Variants in GREM2 observed in about 807,000 individuals in gnomAD.
GREM2 encodes the protein gremlin-2.
A neutral mutation model predicts 14.2 loss-of-function variants in GREM2; 11 were observed. The ratio of observed to expected loss-of-function variants is 0.78; its 90% CI spans 0.49 to 1.28. The LOEUF is 1.28. GREM2 is among the 50% of genes most tolerant of loss of function. The pLI is 0.00. For synonymous variants in GREM2, 98 were observed against 97.6 expected (o/e 1.00, Z -0.02); for missense variants, 210 against 218.5 (o/e 0.96, Z 0.24).
At chr1:240,597,840 T>C (rs1316240823) in intron 1 of GREM2, among the ~76,000 whole-genome samples, 4 of 152,176 alleles carry the variant, frequency 2.6e-5, no homozygotes, top group Admixed American at 2.6e-4. Context: ...CATCTTTTCA[T>C]GCACCCCCGA....
chr1:240,587,465 G>A (rs1230923122), intron 1 of GREM2, among the ~76,000 whole-genome samples: 1 of 151,894 alleles, frequency 6.6e-6, no homozygotes, highest in East Asian at 1.9e-4. Flanking sequence ...GAGGCTACAA[G>A]CATAAGCCAC....
At chr1:240,539,080 A>G (rs1411755750) in intron 1 of GREM2, among the ~76,000 whole-genome samples, 4 of 152,212 alleles carry the variant, frequency 2.6e-5, no homozygotes, top group Non-Finnish European at 5.9e-5. Flanking sequence ...AATTAGAGAC[A>G]TTAGGAAGGG....
chr1:240,609,493 C>A (rs1444594411), intron 1 of GREM2, among the ~76,000 whole-genome samples: 1 of 151,936 alleles, frequency 6.6e-6, no homozygotes, highest in African/African-American at 2.4e-5. Context: ...AAGAAGATGG[C>A]ACCATAGGTC....
chr1:240,553,705 C>A (rs1678900228), intron 1 of GREM2, among the ~76,000 whole-genome samples: 1 of 152,140 alleles, frequency 6.6e-6, no homozygotes, highest in Non-Finnish European at 1.5e-5. Context: ...AAATCCTGTG[C>A]ATGCATGTAT....
chr1:240,553,751 A>G (rs537856829), intron 1 of GREM2, among the ~76,000 whole-genome samples: 4 of 152,374 alleles, frequency 2.6e-5, no homozygotes, highest in Non-Finnish European at 4.4e-5. Context: ...TCCTCAATGG[A>G]TAACATCTGA....
intron 1 of GREM2, among the ~76,000 whole-genome samples, chr1:240,503,418 A>T (rs891378892): frequency 6.6e-6 from 1 of 152,070 alleles, no homozygotes; most frequent in African/African-American, 2.4e-5. Context: ...ACACTCTCAG[A>T]TCCATCTTCT....
chr1:240,607,798 G>A (rs969334063), intron 1 of GREM2, among the ~76,000 whole-genome samples: 1 of 152,176 alleles, frequency 6.6e-6, no homozygotes, highest in African/African-American at 2.4e-5. Context: ...AATCATATAT[G>A]TAAATTCAAT....
intron 1 of GREM2, among the ~76,000 whole-genome samples, chr1:240,594,422 T>C (rs1297598448): frequency 1.3e-5 from 2 of 152,190 alleles, no homozygotes; most frequent in Non-Finnish European, 2.9e-5. Flanking sequence ...CTTTATTTGC[T>C]CTTTTCCCGG....
intron 1 of GREM2, among the ~76,000 whole-genome samples, chr1:240,569,765 G>T (rs1274339329): frequency 6.6e-6 from 1 of 152,118 alleles, no homozygotes; most frequent in Non-Finnish European, 1.5e-5. Context: ...GAAAGGAAAG[G>T]TTTGCGACCC....
intron 1 of GREM2, among the ~76,000 whole-genome samples, chr1:240,554,827 C>T (rs1678922966): frequency 6.6e-6 from 1 of 152,082 alleles, no homozygotes; most frequent in Admixed American, 6.6e-5. Context: ...ATTAGTTATG[C>T]TAATGTTAAG....
intron 1 of GREM2, among the ~76,000 whole-genome samples, chr1:240,536,413 T>G: frequency 6.6e-6 from 1 of 152,152 alleles, no homozygotes; most frequent in East Asian, 1.9e-4. Flanking sequence ...TCTCTAACCC[T>G]AAAGAAAATG....
rs1242592458 is a variant in GREM2 at position 240,491,239 on chromosome 1, C to G, written c.*1730G>C. Reference sequence around the variant, plus strand: ...ATGTCTCTAGATCCACCATCACTACCTAGTATCAGGAAGCTAAGTCCCCAC... The same window carrying G: ...ATGTCTCTAGATCCACCATCACTACGTAGTATCAGGAAGCTAAGTCCCCAC... On this transcript the variant is annotated 3_prime_UTR_variant, in exon 2 of 2. Coordinates refer to ENST00000318160, the MANE Select transcript of GREM2 (RefSeq NM_022469.4). 6.6e-6 allele frequency: 1 copy of G among 152,446 alleles called. No homozygotes were observed. Among genetic ancestry groups the G allele is most frequent in the Non-Finnish European group, 1.5e-5 (1 of 68,044 alleles). 9.4% of individuals were successfully genotyped at this position (152,446 alleles called of 1,614,324 possible).
intron 1 of GREM2, among the ~76,000 whole-genome samples, chr1:240,514,235 G>T (rs898233795): frequency 8.4e-6 from 1 of 118,728 alleles, no homozygotes; most frequent in Non-Finnish European, 1.6e-5. Flanking sequence ...CAACAATAGC[G>T]AGATTCCATC....
intron 1 of GREM2, among the ~76,000 whole-genome samples, chr1:240,552,621 G>A (rs988893731): frequency 3.9e-5 from 6 of 152,092 alleles, no homozygotes; most frequent in African/African-American, 1.4e-4. Context: ...GTTTTTGCTG[G>A]AGCAAGAAAA....
At chr1:240,545,994 A>T (rs1311976002) in intron 1 of GREM2, among the ~76,000 whole-genome samples, 1 of 152,192 alleles carries the variant, frequency 6.6e-6, no homozygotes, top group Non-Finnish European at 1.5e-5. Flanking sequence ...AACAACGGTT[A>T]ATTTTCTTGC....
At chr1:240,544,354 A>G (rs549284624) in intron 1 of GREM2, among the ~76,000 whole-genome samples, 44 of 152,150 alleles carry the variant, frequency 2.9e-4, no homozygotes, top group Admixed American at 1.1e-3. Flanking sequence ...TCACCATGTT[A>G]GCCAGGATGG....
At chr1:240,577,111 A>G (rs965747634) in intron 1 of GREM2, among the ~76,000 whole-genome samples, 1 of 152,158 alleles carries the variant, frequency 6.6e-6, no homozygotes, top group Non-Finnish European at 1.5e-5. Flanking sequence ...TTGGATCTTT[A>G]TATTTTCCTT....
chr1:240,578,629 A>G (rs1224732752), intron 1 of GREM2, among the ~76,000 whole-genome samples: 2 of 151,832 alleles, frequency 1.3e-5, no homozygotes, highest in Non-Finnish European at 2.9e-5. Flanking sequence ...TACCAAAAAT[A>G]CAAAAATTAG....
intron 1 of GREM2, among the ~76,000 whole-genome samples, chr1:240,596,182 T>C (rs1679815851): frequency 6.6e-6 from 1 of 152,224 alleles, no homozygotes; most frequent in South Asian, 2.1e-4. Context: ...ATTTGGGAGA[T>C]GAAGATCCTA....
Sources: allele counts gnomAD v4.1 joint callset (sites outside exome capture counted in the v4.1 genomes callset), GRCh38; gene constraint gnomAD v4.1.1; transcripts MANE v1.5; gene names NCBI Gene and HGNC (gene_info 2026-07-23, HGNC 2026-07-21).